Variants in ITGA1 observed in about 807,000 individuals in gnomAD.
ITGA1 encodes integrin alpha-1.
A neutral mutation model predicts 145.9 loss-of-function variants in ITGA1; 85 were observed. That is an observed-to-expected ratio of 0.58 (90% confidence interval 0.49 to 0.70). The LOEUF (loss-of-function observed/expected upper bound fraction) is 0.70, where lower values mean the gene tolerates loss of function less well. Ranked by LOEUF, ITGA1 falls within the 30% of genes least tolerant of loss-of-function variation. The pLI is 0.00. For synonymous variants in ITGA1, 520 were observed against 495.3 expected, an observed-to-expected ratio of 1.05 and a Z score of -0.66; for missense variants, 1,351 against 1,418.7, an observed-to-expected ratio of 0.95 and a Z score of 0.77.
chr5:52,818,424 A>C lies in ITGA1; in HGVS notation c.61+30010A>C, dbSNP rs151062381. On this transcript the variant is annotated intron_variant, in intron 1 of 28. Transcript: ENST00000282588. ...GATCCATTACACAAATGGCCAAGAC[A>C]GGATATTCTGTGAATTTCCTGGGAA... is the stretch of plus-strand genomic sequence containing the variant. Among the ~76,000 whole-genome samples the C allele has an allele frequency of 3.9e-3, 599 of 152,338 alleles. 4 individuals carry two copies. Among genetic ancestry groups the C allele is most frequent in the African/African-American group, 0.014 (566 of 41,576 alleles).
chr5:52,893,901 A>T (rs1750187576), intron 9 of ITGA1, 61 bp downstream of exon 9: 5 of 1,268,956 alleles, frequency 3.9e-6, no homozygotes, highest in South Asian at 1.5e-5. Flanking sequence ...GTATAATGGG[A>T]TTTTTGTATT....
In ITGA1 at chr5:52,956,305, T is replaced by C. The variant is rs898470872; in HGVS notation, c.*3854T>C. 1 of 152,228 alleles carries C rather than the reference T, an allele frequency of 6.6e-6. No individual in the cohort carries two copies. The highest frequency in any genetic ancestry group is 1.5e-5 in the Non-Finnish European group (1 of 68,056). The allele number at this position is 152,228 out of a possible 1,614,324, so 9.4% of individuals were successfully genotyped here. ...AGAAACAGGCCCAGAGCCTGTCTCA[T>C]GTGCCAGGTGCAGTCACATTATTGT... On this transcript the variant is annotated 3_prime_UTR_variant, in exon 29 of 29. Coordinates refer to ENST00000282588, the MANE Select transcript of ITGA1 (RefSeq NM_181501.2).
At chr5:52,802,894 A>G (rs971918887) in intron 1 of ITGA1, 12 of 152,192 alleles carry the variant, frequency 7.9e-5, no homozygotes, top group Admixed American at 7.2e-4. Context: ...ACTCTTTACT[A>G]TAATTATGGA....
chr5:52,861,284 AG>A (rs1749596674), intron 2 of ITGA1, among the ~76,000 whole-genome samples, 162 bp from the exon 3 acceptor site: 1 of 152,136 alleles, frequency 6.6e-6, no homozygotes, highest in Non-Finnish European at 1.5e-5. Flanking sequence ...AATATGCAAG[AG>A]GTAGGCTCTC....
chr5:52,888,987 C>T lies in ITGA1; in HGVS notation c.924+1022C>T, dbSNP rs115498613. ...AGAAAAGAATTGAGAATAAATCTGC[C>T]ACTGCCTTCTCTCTAGTAAGGAACA... On this transcript the variant is annotated intron_variant, in intron 8 of 28. Coordinates refer to ENST00000282588, the MANE Select transcript of ITGA1 (RefSeq NM_181501.2). Among the ~76,000 whole-genome samples, 367 of 152,340 alleles carry T rather than the reference C, an allele frequency of 2.4e-3. 2 individuals carry two copies. The highest frequency in any genetic ancestry group is 8.5e-3 in the African/African-American group (355 of 41,586).
chr5:52,814,310 C>T (rs1281358582), intron 1 of ITGA1, among the ~76,000 whole-genome samples: 2 of 152,092 alleles, frequency 1.3e-5, no homozygotes, highest in Non-Finnish European at 2.9e-5. Context: ...CCTCACCCAG[C>T]TAATTTTTGT....
intron 1 of ITGA1, chr5:52,824,757 A>G (rs1245527140): frequency 6.6e-6 from 1 of 152,258 alleles, no homozygotes; most frequent in Admixed American, 6.5e-5. Flanking sequence ...ATTTAAATAG[A>G]AAAAATAAAG....
At chr5:52,905,502 T>C (rs1030836558) in intron 11 of ITGA1, 3 of 265,194 alleles carry the variant, frequency 1.1e-5, no homozygotes, top group African/African-American at 6.6e-5. Context: ...GTGTCATCAT[T>C]GTTATATCAT....
At chr5:52,807,290 A>G (rs59387648) in intron 1 of ITGA1, among the ~76,000 whole-genome samples, 36,300 of 152,116 alleles carry the variant, frequency 0.24, 5,244 homozygotes, top group African/African-American at 0.41. Flanking sequence ...AGGAATGGAC[A>G]ACCTGTTATA....
In ITGA1 at chr5:52,832,813, C is replaced by G. The variant is rs866292234; in HGVS notation, c.62-16552C>G. ...TGTGTGTGTGTGTGTGTGTGTGTGT[C>G]TTCTGGTGCTATTTCTCAAAAGAGT... On this transcript the variant is annotated intron_variant, in intron 1 of 28. Transcript: ENST00000282588. 4.8e-3 allele frequency among the ~76,000 whole-genome samples: 238 copies of G among 49,554 alleles called. 1 individual carries two copies. Among genetic ancestry groups the G allele is most frequent in the African/African-American group, 0.013 (186 of 14,048 alleles). 32.5% of individuals were successfully genotyped at this position (49,554 alleles called of 152,430 possible). A position where few individuals can be genotyped will look rare whatever the true frequency, so the allele number is the denominator to read the frequency against.
rs549921572 is a variant in ITGA1, at chr5:52,834,761, A to G, written c.62-14604A>G. Among the ~76,000 whole-genome samples the G allele has an allele frequency of 2.0e-5, 3 of 152,186 alleles. No individual in the cohort carries two copies. The East Asian group carries it at 5.8e-4, about 29-fold the overall frequency. ...AGATCTGGTATCCCTTTCTTTTATTATAAGGACAATGGTCCTATCAGATTA... is the reference window on the plus strand; with the variant it reads ...AGATCTGGTATCCCTTTCTTTTATTGTAAGGACAATGGTCCTATCAGATTA... On this transcript the variant is annotated intron_variant, in intron 1 of 28. Coordinates refer to ENST00000282588, the MANE Select transcript of ITGA1 (RefSeq NM_181501.2).
chr5:52,954,694 A>G lies in ITGA1; in HGVS notation c.*2243A>G, dbSNP rs1751277507. ...AATACAAAAATAGCTCTATAACACC[A>G]AAAAACAGAGTTTACAGAAAATAAA... On this transcript the variant is annotated 3_prime_UTR_variant, in exon 29 of 29. Transcript: ENST00000282588. 1 of 152,174 alleles carries G rather than the reference A, an allele frequency of 6.6e-6. No homozygotes were observed. The highest frequency in any genetic ancestry group is 2.1e-4 in the South Asian group (1 of 4,830). 9.4% of individuals were successfully genotyped at this position (152,174 alleles called of 1,614,324 possible).
At chr5:52,844,845 G>T (rs565717654) in intron 1 of ITGA1, among the ~76,000 whole-genome samples, 8 of 152,084 alleles carry the variant, frequency 5.3e-5, no homozygotes, top group Non-Finnish European at 1.2e-4. Flanking sequence ...TTTACTTCTG[G>T]TACATAAAAT....
intron 1 of ITGA1, chr5:52,799,923 G>A: frequency 5.9e-6 from 1 of 169,086 alleles, no homozygotes; most frequent in South Asian, 1.2e-4. Context: ...TTGAAGTTTG[G>A]CATTAAAATA....
At chr5:52,813,296 G>A (rs56294497) in intron 1 of ITGA1, among the ~76,000 whole-genome samples, 20,370 of 151,988 alleles carry the variant, frequency 0.13, 1,408 homozygotes, top group Middle Eastern at 0.25. Flanking sequence ...TTAGATGTTA[G>A]GTATTGTCTT....
In ITGA1 at chr5:52,939,862, C is replaced by T. The variant is rs767388623; in HGVS notation, c.3203C>T (p.Ala1068Val). 1.2e-6 allele frequency: 2 copies of T among 1,611,928 alleles called. No individual in the cohort carries two copies. Among genetic ancestry groups the T allele is most frequent in the South Asian group, 1.1e-5 (1 of 91,038 alleles). Residue 1068 changes from alanine to valine, a missense_variant, in exon 26 of 29, where the codon GCT (alanine) becomes GTT (valine). Physicochemically the swap from Ala to Val is moderately conservative, Grantham distance 64. Coordinates refer to ENST00000282588, the MANE Select transcript of ITGA1 (RefSeq NM_181501.2). ...TILDCNTCKF[A>V]TITCNLTSSD... is the part of the protein sequence containing the mutation. The stretch of plus-strand genomic sequence containing the variant: ...CAGGACTGCAATACATGTAAATTTG[C>T]TACCATCACATGTAATCTCACTTCT...
At chr5:52,883,271 C>T (rs904934470) in intron 7 of ITGA1, among the ~76,000 whole-genome samples, 2 of 152,198 alleles carry the variant, frequency 1.3e-5, no homozygotes, top group Non-Finnish European at 2.9e-5. Context: ...GGGAGCTGTA[C>T]GTTTTCCAAA....
At chr5:52,834,511 GAGAA>G (rs1749124895) in intron 1 of ITGA1, among the ~76,000 whole-genome samples, 3 of 149,544 alleles carry the variant, frequency 2.0e-5, no homozygotes, top group Non-Finnish European at 4.4e-5. Context: ...GAAAAAGAGA[GAGAA>G]AGAAGAAAGG....
At chr5:52,869,669 C>T (rs1011879878) in intron 6 of ITGA1, among the ~76,000 whole-genome samples, 1 of 152,146 alleles carries the variant, frequency 6.6e-6, no homozygotes, top group African/African-American at 2.4e-5. Context: ...CCTCAATGAG[C>T]ACTTGTTGAG....
Sources: gnomAD v4.1 joint callset for allele counts (sites outside exome capture counted in the v4.1 genomes callset) on GRCh38, gnomAD v4.1.1 for gene constraint, MANE v1.5 for transcripts, NCBI Gene and HGNC (gene_info 2026-07-23, HGNC 2026-07-21) for gene names.